Variants in KRTAP20-2 observed in about 807,000 individuals in gnomAD.
The protein encoded by KRTAP20-2 is keratin associated protein 20-2, also known as keratin-associated protein 20-2.
In KRTAP20-2, 7 loss-of-function variants were observed where a neutral mutation model predicts 5.2. That is an observed-to-expected ratio of 1.36 (90% confidence interval 0.77 to 2.55). KRTAP20-2 has a LOEUF of 2.55. Ranked by LOEUF, KRTAP20-2 falls within the 30% of genes most tolerant of loss-of-function variation. KRTAP20-2 has a pLI of 0.00. For synonymous variants in KRTAP20-2, 32 were observed against 33.7 expected (o/e 0.95, Z 0.17); for missense variants, 84 against 84.0 (o/e 1.00, Z 0.00).
chr21:30,635,475 A>C lies in KRTAP20-2; in HGVS notation c.*14A>C. 1 of 1,613,300 alleles carries C rather than the reference A, an allele frequency of 6.2e-7. No individual in the cohort carries two copies. The highest frequency in any genetic ancestry group is 8.5e-7 in the Non-Finnish European group (1 of 1,179,350). ...GGCTTCTACTGAGAAATATCTGGCA[A>C]CTCAACCTCGTGGTCTCTTCCACAT... is the stretch of plus-strand genomic sequence containing the variant. On this transcript the variant is annotated 3_prime_UTR_variant, in exon 1 of 1. Transcript: ENST00000330798.
rs761874989 is a variant in KRTAP20-2 at position 30,635,423 on chromosome 21, T to C, written c.160T>C (p.Ser54Pro). ...CTATGGATATGGCTGCTGCCGCCCA[T>C]CTTGCTATGGAAGATACTGGTCCTG... Reference protein sequence around the residue: ...GGYGYGCCRPSCYGRYWSCGF... With the variant: ...GGYGYGCCRPPCYGRYWSCGF... Residue 54 changes from serine (S) to proline (P), a missense_variant, in exon 1 of 1, where the codon TCT (serine) becomes CCT (proline). Transcript: ENST00000330798. The C allele has an allele frequency of 6.2e-6, 10 of 1,614,158 alleles. No individual in the cohort carries two copies. Among genetic ancestry groups the C allele is most frequent in the Non-Finnish European group, 7.6e-6 (9 of 1,179,970 alleles).
Position 30,635,207 on chromosome 21 carries a change from T to A in KRTAP20-2, c.-57T>A. The A allele has an allele frequency of 1.9e-6, 3 of 1,602,584 alleles. No individual in the cohort carries two copies. The highest frequency in any genetic ancestry group is 2.6e-6 in the Non-Finnish European group (3 of 1,172,146). ...AGGACTGCCTGGGCATATAGGGATA[T>A]TCAAACTGAAGAAACTGATTCCTTG... On this transcript the variant is annotated 5_prime_UTR_variant, in exon 1 of 1. Coordinates refer to ENST00000330798, the MANE Select transcript of KRTAP20-2 (RefSeq NM_181616.3).
Position 30,635,372 on chromosome 21 carries a change from T to TGTGGCTATGGCC in KRTAP20-2, c.120_131dup (p.Arg41_Gly44dup), listed in dbSNP as rs758650215. 5.6e-6 allele frequency: 9 copies of TGTGGCTATGGCC among 1,607,582 alleles called. No homozygotes were observed. Among genetic ancestry groups the TGTGGCTATGGCC allele is most frequent in the South Asian group, 1.1e-5 (1 of 90,956 alleles). On this transcript the variant is annotated inframe_insertion, in exon 1 of 1. Transcript: ENST00000330798. Reference sequence around the variant, plus strand: ...TGGCCATGGCTATGGAGGCCTGGGCTGTGGCTATGGCCGTGGCTATGGTGG... The same window carrying TGTGGCTATGGCC: ...TGGCCATGGCTATGGAGGCCTGGGCTGTGGCTATGGCCGTGGCTATGGCCGTGGCTATGGTGG...
Position 30,635,571 on chromosome 21 carries a change from C to T in KRTAP20-2, c.*110C>T, listed in dbSNP as rs1352453782. On this transcript the variant is annotated 3_prime_UTR_variant, in exon 1 of 1. Transcript: ENST00000330798. Reference sequence around the variant, plus strand: ...TTTTTCTGTTGTAAAATGTCAACATCATCCTTAAGTATCTGGAAGAAAAAA... The same window carrying T: ...TTTTTCTGTTGTAAAATGTCAACATTATCCTTAAGTATCTGGAAGAAAAAA... 3.5e-5 allele frequency: 38 copies of T among 1,078,786 alleles called. No individual in the cohort carries two copies. The highest frequency in any genetic ancestry group is 3.3e-4 in the East Asian group (14 of 41,836). 66.8% of individuals were successfully genotyped at this position (1,078,786 alleles called of 1,614,324 possible). A position where few individuals can be genotyped will look rare whatever the true frequency, so the allele number is the denominator to read the frequency against.
Position 30,635,536 on chromosome 21 carries a change from G to A in KRTAP20-2, c.*75G>A. 1 of 1,404,300 alleles carries A rather than the reference G, an allele frequency of 7.1e-7. No homozygotes were observed. Among genetic ancestry groups the A allele is most frequent in the Middle Eastern group, 1.9e-4 (1 of 5,392 alleles). The allele number at this position is 1,404,300 out of a possible 1,614,324, so 87.0% of individuals were successfully genotyped here. The stretch of plus-strand genomic sequence containing the variant: ...AATTTGCCTTCATAATTCTTCATAT[G>A]AGTAATTCATTTTTCTGTTGTAAAA... On this transcript the variant is annotated 3_prime_UTR_variant, in exon 1 of 1. Coordinates refer to ENST00000330798, the MANE Select transcript of KRTAP20-2 (RefSeq NM_181616.3).
Position 30,635,476 on chromosome 21 carries a change from C to G in KRTAP20-2, c.*15C>G. On this transcript the variant is annotated 3_prime_UTR_variant, in exon 1 of 1. Transcript: ENST00000330798. The stretch of plus-strand genomic sequence containing the variant: ...GCTTCTACTGAGAAATATCTGGCAA[C>G]TCAACCTCGTGGTCTCTTCCACATG... 6.2e-7 allele frequency: 1 copy of G among 1,613,396 alleles called. No homozygotes were observed. Among genetic ancestry groups the G allele is most frequent in the Non-Finnish European group, 8.5e-7 (1 of 1,179,352 alleles).
rs776926323 is a variant in KRTAP20-2 at position 30,635,419 on chromosome 21, C to G, written c.156C>G (p.Arg52=). ...GTGGCTATGGATATGGCTGCTGCCG[C>G]CCATCTTGCTATGGAAGATACTGGT... is the stretch of plus-strand genomic sequence containing the variant. The part of the protein sequence containing the change: ...GYGGYGYGCC[R]PSCYGRYWSC... Residue 52 remains arginine (R), a synonymous_variant, in exon 1 of 1, where the codon CGC becomes CGG. Coordinates refer to ENST00000330798, the MANE Select transcript of KRTAP20-2 (RefSeq NM_181616.3). 2.7e-5 allele frequency: 44 copies of G among 1,614,062 alleles called. No individual in the cohort carries two copies. Among genetic ancestry groups the G allele is most frequent in the South Asian group, 3.3e-5 (3 of 91,082 alleles).
Position 30,635,590 on chromosome 21 carries a change from G to A in KRTAP20-2, c.*129G>A. On this transcript the variant is annotated 3_prime_UTR_variant, in exon 1 of 1. Coordinates refer to ENST00000330798, the MANE Select transcript of KRTAP20-2 (RefSeq NM_181616.3). Reference sequence around the variant, plus strand: ...CAACATCATCCTTAAGTATCTGGAAGAAAAAATAGGTCAGATGCTGCAAGC... The same window carrying A: ...CAACATCATCCTTAAGTATCTGGAAAAAAAAATAGGTCAGATGCTGCAAGC... The A allele has an allele frequency of 2.3e-6, 2 of 858,598 alleles. No individual in the cohort carries two copies. Among genetic ancestry groups the A allele is most frequent in the Admixed American group, 2.3e-5 (1 of 43,570 alleles). The allele number at this position is 858,598 out of a possible 1,614,324, so 53.2% of individuals were successfully genotyped here.
In KRTAP20-2 at chr21:30,635,317, G is replaced by A. The variant is rs1601094134; in HGVS notation, c.54G>A (p.Leu18=). The change falls in exon 1 of 1, where the codon CTG becomes CTA. Residue 18 remains leucine (L), a synonymous_variant. Coordinates refer to ENST00000330798, the MANE Select transcript of KRTAP20-2 (RefSeq NM_181616.3). ...YGGLRYGYGV[L]GGGYGCGCGY... is the part of the protein sequence containing the mutation. ...GTCTGCGTTATGGCTATGGAGTCCT[G>A]GGCGGTGGCTATGGCTGTGGCTGTG... is the stretch of plus-strand genomic sequence containing the variant. The A allele has an allele frequency of 1.2e-6, 2 of 1,613,812 alleles. No homozygotes were observed. Among genetic ancestry groups the A allele is most frequent in the African/African-American group, 2.7e-5 (2 of 74,936 alleles).
chr21:30,635,557 T>A lies in KRTAP20-2; in HGVS notation c.*96T>A. 2 of 1,244,362 alleles carry A rather than the reference T, an allele frequency of 1.6e-6. No homozygotes were observed. Among genetic ancestry groups the A allele is most frequent in the Non-Finnish European group, 2.3e-6 (2 of 868,496 alleles). 77.1% of individuals were successfully genotyped at this position (1,244,362 alleles called of 1,614,324 possible). The stretch of plus-strand genomic sequence containing the variant: ...ATATGAGTAATTCATTTTTCTGTTG[T>A]AAAATGTCAACATCATCCTTAAGTA... On this transcript the variant is annotated 3_prime_UTR_variant, in exon 1 of 1. Transcript: ENST00000330798.
rs1222584470 is a variant in KRTAP20-2 at position 30,635,356 on chromosome 21, C to T, written c.93C>T (p.Gly31=). 1.2e-6 allele frequency: 2 copies of T among 1,610,494 alleles called. No individual in the cohort carries two copies. Among genetic ancestry groups the T allele is most frequent in the East Asian group, 2.2e-5 (1 of 44,846 alleles). ...GCTGTGGCTGTGGTTATGGCCATGG[C>T]TATGGAGGCCTGGGCTGTGGCTATG... ...GYGCGCGYGH[G]YGGLGCGYGR... Residue 31 remains glycine (G), a synonymous_variant, in exon 1 of 1, where the codon GGC becomes GGT. Transcript: ENST00000330798.
rs1196079460 is a variant in KRTAP20-2 at position 30,635,232 on chromosome 21, G to T, written c.-32G>T. The T allele has an allele frequency of 6.2e-7, 1 of 1,611,450 alleles. No individual in the cohort carries two copies. Among genetic ancestry groups the T allele is most frequent in the South Asian group, 1.1e-5 (1 of 91,002 alleles). On this transcript the variant is annotated 5_prime_UTR_variant, in exon 1 of 1. Coordinates refer to ENST00000330798, the MANE Select transcript of KRTAP20-2 (RefSeq NM_181616.3). ...TTCAAACTGAAGAAACTGATTCCTT[G>T]CTCCTCAACCAAATCCTCCACTCTT...
At position 30,635,613 on chromosome 21, in the gene KRTAP20-2, A is replaced by G. The variant is rs1196084549; in HGVS notation, c.*152A>G. The G allele has an allele frequency of 7.1e-6, 5 of 701,796 alleles. No homozygotes were observed. Among genetic ancestry groups the G allele is most frequent in the Admixed American group, 5.3e-5 (2 of 37,624 alleles). 43.5% of individuals were successfully genotyped at this position (701,796 alleles called of 1,614,324 possible). A position where few individuals can be genotyped will look rare whatever the true frequency, so the allele number is the denominator to read the frequency against. On this transcript the variant is annotated 3_prime_UTR_variant, in exon 1 of 1. Coordinates refer to ENST00000330798, the MANE Select transcript of KRTAP20-2 (RefSeq NM_181616.3). ...AAGAAAAAATAGGTCAGATGCTGCAAGCCTCATCTAGAGTAACTGAAATCA... is the reference window on the plus strand; with the variant it reads ...AAGAAAAAATAGGTCAGATGCTGCAGGCCTCATCTAGAGTAACTGAAATCA...
the KRTAP20-2 span, chr21:30,635,284 C>A: frequency 1.9e-6 from 3 of 1,614,170 alleles, no homozygotes; most frequent in Non-Finnish European, 2.5e-6. Context: ...ACAGCAACTA[C>A]TATGGTGGTC....
rs1981157309 is a variant in KRTAP20-2, at chr21:30,635,576, TTAAGTATCTGGAAGAAAA to T, written c.*116_*133del. On this transcript the variant is annotated 3_prime_UTR_variant, in exon 1 of 1. Transcript: ENST00000330798. ...CTGTTGTAAAATGTCAACATCATCC[TTAAGTATCTGGAAGAAAA>T]AATAGGTCAGATGCTGCAAGCCTCA... 9.6e-7 allele frequency: 1 copy of T among 1,039,136 alleles called. No individual in the cohort carries two copies. The highest frequency in any genetic ancestry group is 1.6e-5 in the African/African-American group (1 of 62,746). 64.4% of individuals were successfully genotyped at this position (1,039,136 alleles called of 1,614,324 possible).
chr21:30,635,253 C>A lies in KRTAP20-2; in HGVS notation c.-11C>A. The A allele has an allele frequency of 6.2e-7, 1 of 1,613,654 alleles. No individual in the cohort carries two copies. Among genetic ancestry groups the A allele is most frequent in the Non-Finnish European group, 8.5e-7 (1 of 1,179,638 alleles). On this transcript the variant is annotated 5_prime_UTR_variant, in exon 1 of 1. Transcript: ENST00000330798. ...CCTTGCTCCTCAACCAAATCCTCCACTCTTGAAACCATGTGCTACTACAGC... is the reference window on the plus strand; with the variant it reads ...CCTTGCTCCTCAACCAAATCCTCCAATCTTGAAACCATGTGCTACTACAGC...
Position 30,635,234 on chromosome 21 carries a change from T to C in KRTAP20-2, c.-30T>C. On this transcript the variant is annotated 5_prime_UTR_variant, in exon 1 of 1. Transcript: ENST00000330798. Reference sequence around the variant, plus strand: ...CAAACTGAAGAAACTGATTCCTTGCTCCTCAACCAAATCCTCCACTCTTGA... The same window carrying C: ...CAAACTGAAGAAACTGATTCCTTGCCCCTCAACCAAATCCTCCACTCTTGA... 6.2e-7 allele frequency: 1 copy of C among 1,612,190 alleles called. No individual in the cohort carries two copies. Among genetic ancestry groups the C allele is most frequent in the Non-Finnish European group, 8.5e-7 (1 of 1,178,500 alleles).
In KRTAP20-2 at chr21:30,635,258, G is replaced by T; in HGVS notation, c.-6G>T. On this transcript the variant is annotated 5_prime_UTR_variant, in exon 1 of 1. Transcript: ENST00000330798. ...CTCCTCAACCAAATCCTCCACTCTT[G>T]AAACCATGTGCTACTACAGCAACTA... 6.2e-7 allele frequency: 1 copy of T among 1,613,892 alleles called. No homozygotes were observed. Among genetic ancestry groups the T allele is most frequent in the Non-Finnish European group, 8.5e-7 (1 of 1,179,842 alleles).
chr21:30,635,286 A>G lies in KRTAP20-2; in HGVS notation c.23A>G (p.Tyr8Cys), dbSNP rs371307078. The G allele has an allele frequency of 3.7e-5, 60 of 1,613,954 alleles. No individual in the cohort carries two copies. The highest frequency in any genetic ancestry group is 8.9e-5 in the East Asian group (4 of 44,882). The part of the protein sequence containing the change: MCYYSNY[Y>C]GGLRYGYGVL... ...ACCATGTGCTACTACAGCAACTACT[A>G]TGGTGGTCTGCGTTATGGCTATGGA... The change falls in exon 1 of 1, where the codon TAT (tyrosine) becomes TGT (cysteine). Residue 8 changes from tyrosine to cysteine, a missense_variant. Transcript: ENST00000330798.
Sources: allele counts gnomAD v4.1 joint callset, GRCh38; gene constraint gnomAD v4.1.1; transcripts MANE v1.5; gene names NCBI Gene and HGNC (gene_info 2026-07-23, HGNC 2026-07-21).